The following MGLL variants were observed in gnomAD, a reference collection of about 807,000 sequenced individuals.
The protein encoded by MGLL is lysophospholipase homolog.
Under a neutral mutation model 29.1 loss-of-function variants are expected in MGLL, and 7 were observed. The ratio of observed to expected loss-of-function variants is 0.24; its 90% confidence interval spans 0.14 to 0.45. The LOEUF is 0.45. Among genes scored for constraint, MGLL ranks in the 20% least tolerant of loss-of-function variants. The pLI, the probability that MGLL is intolerant of heterozygous loss-of-function variation, is 0.99. For missense variants in MGLL, 356 were observed against 413.6 expected, an observed-to-expected ratio of 0.86 and a Z score of 1.21; for synonymous variants, 148 against 168.3, an observed-to-expected ratio of 0.88 and a Z score of 0.93.
intron 2 of MGLL, among the ~76,000 whole-genome samples, chr3:127,791,714 G>C (rs1264514905): frequency 6.6e-6 from 1 of 152,150 alleles, no homozygotes; most frequent in Non-Finnish European, 1.5e-5. Flanking sequence ...GAAATTCCTT[G>C]AACTGCATCG....
intron 6 of MGLL, among the ~76,000 whole-genome samples, chr3:127,695,589 C>G (rs959463847): frequency 2.0e-5 from 3 of 152,046 alleles, no homozygotes; most frequent in Non-Finnish European, 2.9e-5. Context: ...TGTAAAAATA[C>G]AAAAACTAGC....
chr3:127,757,824 G>C (rs894855645), intron 3 of MGLL, among the ~76,000 whole-genome samples: 1 of 152,124 alleles, frequency 6.6e-6, no homozygotes, highest in African/African-American at 2.4e-5. Context: ...ACGTGTCATC[G>C]ACACCTTGTA....
At chr3:127,803,385 G>A (rs2077512627) in intron 2 of MGLL, among the ~76,000 whole-genome samples, 1 of 152,188 alleles carries the variant, frequency 6.6e-6, no homozygotes, top group African/African-American at 2.4e-5. Flanking sequence ...CAGTGGGGTG[G>A]GGGTGAAGAT....
intron 2 of MGLL, among the ~76,000 whole-genome samples, chr3:127,820,015 T>C (rs575235643): frequency 3.3e-5 from 5 of 152,318 alleles, no homozygotes; most frequent in Admixed American, 3.3e-4. Flanking sequence ...GATAACACTA[T>C]GGAAAGTGTT....
chr3:127,715,651 T>C lies in MGLL; in HGVS notation c.511-4986A>G, dbSNP rs575361099. On this transcript the variant is annotated intron_variant, in intron 5 of 7. Coordinates refer to ENST00000265052, the MANE Select transcript of MGLL (RefSeq NM_007283.7). ...GCAGAGGAAGTGGGTTGATTGTGCA[T>C]GAAGGAAAGCAGAACGGTTGAGCAG... The C allele has an allele frequency of 9.6e-5, 44 of 456,266 alleles. No individual in the cohort carries two copies. The East Asian group carries it at 1.8e-3, about 19-fold the overall frequency. The allele number at this position is 456,266 out of a possible 1,614,324, so 28.3% of individuals were successfully genotyped here.
At position 127,801,058 on chromosome 3, in the gene MGLL, T is replaced by C. The variant is rs143475150; in HGVS notation, c.156-19163A>G. Among the ~76,000 whole-genome samples the C allele has an allele frequency of 3.9e-3, 594 of 151,968 alleles. 3 individuals are homozygous for C. The highest frequency in any genetic ancestry group is 0.013 in the African/African-American group (549 of 41,434). ...GGCTCACGCCTGTAATCCCAGCACT[T>C]TGGGAGGCCAAGGCAGGTGGATTGC... On this transcript the variant is annotated intron_variant, in intron 2 of 7. Transcript: ENST00000265052.
At chr3:127,815,584 C>T (rs1232522451) in intron 2 of MGLL, among the ~76,000 whole-genome samples, 1 of 152,222 alleles carries the variant, frequency 6.6e-6, no homozygotes, top group Non-Finnish European at 1.5e-5. Flanking sequence ...AAGCTGGGGC[C>T]CCTACACCCA....
At chr3:127,781,071 G>C (rs1286581976) in intron 3 of MGLL, among the ~76,000 whole-genome samples, 2 of 152,152 alleles carry the variant, frequency 1.3e-5, no homozygotes, top group Non-Finnish European at 2.9e-5. Context: ...CTGGCCTGGG[G>C]TTGTGTGTGT....
chr3:127,750,156 G>C (rs115755821), intron 3 of MGLL, among the ~76,000 whole-genome samples: 1 of 152,144 alleles, frequency 6.6e-6, no homozygotes. Flanking sequence ...ACTAGACTGC[G>C]GGGGTGAGGG....
At chr3:127,733,520 G>C (rs1053609119) in intron 3 of MGLL, among the ~76,000 whole-genome samples, 3 of 152,168 alleles carry the variant, frequency 2.0e-5, no homozygotes, top group Non-Finnish European at 4.4e-5. Context: ...AAGAGTGAGG[G>C]GGATTCAGGC....
chr3:127,785,993 C>T (rs1017078244), intron 2 of MGLL, among the ~76,000 whole-genome samples: 3 of 152,150 alleles, frequency 2.0e-5, no homozygotes, highest in African/African-American at 7.2e-5. Flanking sequence ...GTGCAGGAGT[C>T]CTGCTGGGGA....
intron 2 of MGLL, among the ~76,000 whole-genome samples, chr3:127,792,391 G>T (rs575042434): frequency 8.5e-5 from 13 of 152,324 alleles, no homozygotes; most frequent in African/African-American, 3.1e-4. Flanking sequence ...AAGTGCCTCA[G>T]TTGGAAAACA....
intron 2 of MGLL, among the ~76,000 whole-genome samples, chr3:127,791,423 T>A (rs1425012991): frequency 1.3e-5 from 2 of 152,246 alleles, no homozygotes; most frequent in African/African-American, 4.8e-5. Context: ...TCACATTTCA[T>A]GTCCTGATGA....
intron 3 of MGLL, among the ~76,000 whole-genome samples, chr3:127,759,457 G>A (rs2076723918): frequency 6.6e-6 from 1 of 152,202 alleles, no homozygotes; most frequent in East Asian, 1.9e-4. Context: ...GATGCTCACT[G>A]GAGGTGGGTG....
chr3:127,692,112 TTTTGG>T lies in MGLL; in HGVS notation c.*81_*85del. ...ATTTCTGATTTTTTTTTTTTTTTTTTTTTGGCAAGCCATATCTGAGAAGCCATCTC... is the reference window on the plus strand; with the variant it reads ...ATTTCTGATTTTTTTTTTTTTTTTTTCAAGCCATATCTGAGAAGCCATCTC... On this transcript the variant is annotated 3_prime_UTR_variant, in exon 8 of 8. Transcript: ENST00000265052. 5.3e-6 allele frequency: 5 copies of T among 939,392 alleles called. No individual in the cohort carries two copies. Among genetic ancestry groups the T allele is most frequent in the South Asian group, 1.7e-5 (1 of 57,352 alleles). 58.2% of individuals were successfully genotyped at this position (939,392 alleles called of 1,614,324 possible).
At chr3:127,753,282 G>T (rs2076592511) in intron 3 of MGLL, among the ~76,000 whole-genome samples, 1 of 152,242 alleles carries the variant, frequency 6.6e-6, no homozygotes, top group Non-Finnish European at 1.5e-5. Context: ...GGCTGCAGGT[G>T]TCGACGATGA....
intron 3 of MGLL, among the ~76,000 whole-genome samples, chr3:127,775,496 A>G (rs693430): frequency 0.97 from 146,722 of 151,954 alleles, 71,034 homozygotes; most frequent in Middle Eastern, 1. Flanking sequence ...TTCTGACTGG[A>G]TAGGACCCAC....
intron 2 of MGLL, among the ~76,000 whole-genome samples, chr3:127,812,847 T>C (rs1285015475): frequency 6.6e-6 from 1 of 152,204 alleles, no homozygotes; most frequent in Non-Finnish European, 1.5e-5. Context: ...TGGAGGCCCA[T>C]ACCTGGCTGG....
chr3:127,721,768 C>A (rs1346668409), intron 4 of MGLL, among the ~76,000 whole-genome samples: 25 of 152,098 alleles, frequency 1.6e-4, no homozygotes. Flanking sequence ...AGGCAGTGAC[C>A]ATGGGGCAGG....
Sources: allele counts gnomAD v4.1 joint callset (sites outside exome capture counted in the v4.1 genomes callset), GRCh38; gene constraint gnomAD v4.1.1; transcripts MANE v1.5; gene names NCBI Gene and HGNC (gene_info 2026-07-23, HGNC 2026-07-21).